The following DST variants were observed in gnomAD, a reference collection of about 807,000 sequenced individuals.
DST encodes the protein dystonin.
In DST, 253 loss-of-function variants were observed where a neutral mutation model predicts 875.2. That is an observed-to-expected ratio of 0.29 (90% CI 0.26 to 0.32). DST has a LOEUF of 0.32. Ranked by LOEUF, DST falls within the 10% of genes least tolerant of loss-of-function variation. The pLI is 1.00. For synonymous variants in DST, 3,124 were observed against 3,197.1 expected (o/e 0.98, Z 0.77); for missense variants, 8,287 against 9,111.6 (o/e 0.91, Z 3.68).
chr6:56,766,369 A>C (rs1346365700), intron 4 of DST, among the ~76,000 whole-genome samples: 3 of 152,200 alleles, frequency 2.0e-5, no homozygotes. Flanking sequence ...GCCAAGTACT[A>C]ACCAGGCTAG....
At chr6:56,614,238 G>A in intron 37 of DST, 118 bp downstream of exon 37, 1 of 872,800 alleles carries the variant, frequency 1.1e-6, no homozygotes, top group Non-Finnish European at 1.6e-6. Flanking sequence ...GCATTATATT[G>A]GGCTATAACA....
At chr6:56,526,118 G>T (rs2096792635) in intron 69 of DST, among the ~76,000 whole-genome samples, 1 of 152,194 alleles carries the variant, frequency 6.6e-6, no homozygotes, top group Non-Finnish European at 1.5e-5. Context: ...CGCAGTGTCT[G>T]ACTTGGTAAG....
In DST at chr6:56,508,556, T is replaced by C. The variant is rs2096396148; in HGVS notation, c.19212A>G (p.Val6404=). Residue 6404 remains valine (V), a synonymous_variant, in exon 75 of 104, where the codon GTA becomes GTG. Transcript: ENST00000680361. ...DLEDPGIDPS[V]VKQQQEAAET... is the part of the protein sequence containing the mutation. Reference sequence around the variant, plus strand: ...CTGCTGCTTCTTGCTGTTGTTTTACTACTGAAGGATCAATTCCAGGATCTT... The same window carrying C: ...CTGCTGCTTCTTGCTGTTGTTTTACCACTGAAGGATCAATTCCAGGATCTT... 1.1e-5 allele frequency: 17 copies of C among 1,613,710 alleles called. No individual in the cohort carries two copies. The Admixed American group carries it at 2.5e-4, about 24-fold the overall frequency.
intron 85 of DST, among the ~76,000 whole-genome samples, chr6:56,490,173 C>G (rs2095689186): frequency 6.6e-6 from 1 of 152,114 alleles, no homozygotes; most frequent in Non-Finnish European, 1.5e-5. Context: ...TATCAATATC[C>G]TCAAATCAAT....
At chr6:56,486,640 GA>G (rs1383858741) in intron 87 of DST, among the ~76,000 whole-genome samples, 1 of 152,106 alleles carries the variant, frequency 6.6e-6, no homozygotes, top group Non-Finnish European at 1.5e-5. Flanking sequence ...GATGGAGTTG[GA>G]AAGAAATGCT....
rs1371787646 is a variant in DST, at chr6:56,501,656, A to G, written c.19604T>C (p.Met6535Thr). Reference sequence around the variant, plus strand: ...CTCTGCTTGATGATTCAGTCTTTCCATTTCTATCTGCTGTTGATAGGCCTC... The same window carrying G: ...CTCTGCTTGATGATTCAGTCTTTCCGTTTCTATCTGCTGTTGATAGGCCTC... Reference protein sequence around the residue: ...KSEAYQQQIEMERLNHQAELL... With the variant: ...KSEAYQQQIETERLNHQAELL... Residue 6535 changes from methionine to threonine, a missense_variant, in exon 79 of 104, where the codon ATG (methionine) becomes ACG (threonine). Physicochemically the swap from Met to Thr is moderately conservative, Grantham distance 81. Transcript: ENST00000680361. 6 of 1,607,400 alleles carry G rather than the reference A, an allele frequency of 3.7e-6. No homozygotes were observed. Among genetic ancestry groups the G allele is most frequent in the Non-Finnish European group, 5.1e-6 (6 of 1,177,496 alleles).
At chr6:56,825,467 T>TC (rs2099779250) in intron 4 of DST, among the ~76,000 whole-genome samples, 1 of 115,926 alleles carries the variant, frequency 8.6e-6, no homozygotes, top group Admixed American at 1.1e-4. Flanking sequence ...CAAATCCCCC[T>TC]CTCTGGGAAA....
At chr6:56,645,779 A>G in intron 15 of DST, 87 bp downstream of exon 15, 8 of 1,491,830 alleles carry the variant, frequency 5.4e-6, no homozygotes, top group Non-Finnish European at 7.3e-6. Flanking sequence ...AGGCCAAGTA[A>G]ACAGAGGTTT....
At chr6:56,649,596 G>A (rs2098962808) in intron 12 of DST, among the ~76,000 whole-genome samples, 1 of 151,998 alleles carries the variant, frequency 6.6e-6, no homozygotes, top group South Asian at 2.1e-4. Context: ...GAGTGGGGGT[G>A]CTGAAAGAGT....
At chr6:56,484,605 T>G (rs2095502966) in intron 88 of DST, 1 of 152,166 alleles carries the variant, frequency 6.6e-6, no homozygotes, top group African/African-American at 2.4e-5. Context: ...ATACAACTAT[T>G]CTACATTAGT....
At chr6:56,829,660 A>G (rs748401840) in intron 4 of DST, among the ~76,000 whole-genome samples, 1 of 152,220 alleles carries the variant, frequency 6.6e-6, no homozygotes, top group Non-Finnish European at 1.5e-5. Context: ...AATGATGTCA[A>G]AAGTAACCAG....
chr6:56,837,849 T>C (rs1203697001), intron 4 of DST, among the ~76,000 whole-genome samples: 2 of 151,566 alleles, frequency 1.3e-5, no homozygotes, highest in East Asian at 3.8e-4. Context: ...AGCAGAATTA[T>C]TTGCTTCTTC....
In DST at chr6:56,605,889, A is replaced by G; in HGVS notation, c.8739T>C (p.His2913=). 1 of 1,610,236 alleles carries G rather than the reference A, an allele frequency of 6.2e-7. No individual in the cohort carries two copies. Among genetic ancestry groups the G allele is most frequent in the Non-Finnish European group, 8.5e-7 (1 of 1,177,052 alleles). The change falls in exon 40 of 104, where the codon CAT becomes CAC. Residue 2913 remains histidine (H), a synonymous_variant. Coordinates refer to ENST00000680361, the MANE Select transcript of DST (RefSeq NM_001374736.1). ...GCAATACATCCTTAAGTACCATCTC[A>G]TGGTTCAACAGATTTTCTTTGCTTT... ...AGKSKENLLN[H]EMVLKDVLPP...
intron 1 of DST, 49 bp downstream of exon 1, chr6:56,954,358 G>A (rs945112743): frequency 2.4e-5 from 31 of 1,310,442 alleles, no homozygotes; most frequent in Non-Finnish European, 3.1e-5. Context: ...CTCCAAATCG[G>A]CTTAATTGTT....
At chr6:56,702,273 C>T (rs988935467) in intron 7 of DST, among the ~76,000 whole-genome samples, 17 of 151,950 alleles carry the variant, frequency 1.1e-4, no homozygotes, top group African/African-American at 3.9e-4. Flanking sequence ...TAAAACAACG[C>T]TAGCCTACAA....
At chr6:56,507,677 G>T (rs2096364764) in intron 75 of DST, among the ~76,000 whole-genome samples, 1 of 152,146 alleles carries the variant, frequency 6.6e-6, no homozygotes, top group Admixed American at 6.5e-5. Flanking sequence ...AGTTTGTTTT[G>T]GGAAACGCCC....
intron 10 of DST, among the ~76,000 whole-genome samples, chr6:56,669,480 C>A (rs1428803275): frequency 2.0e-5 from 3 of 151,508 alleles, no homozygotes; most frequent in African/African-American, 7.3e-5. Context: ...CCTGTAGTCC[C>A]AGCTTCTCAG....
intron 3 of DST, among the ~76,000 whole-genome samples, chr6:56,875,127 G>T (rs1455926751): frequency 6.6e-6 from 1 of 152,154 alleles, no homozygotes; most frequent in Non-Finnish European, 1.5e-5. Context: ...GGGACTACAG[G>T]CGCCCGCCAC....
At chr6:56,660,629 A>G (rs568898320) in intron 10 of DST, among the ~76,000 whole-genome samples, 1 of 146,514 alleles carries the variant, frequency 6.8e-6, no homozygotes, top group African/African-American at 2.6e-5. Context: ...AAAAAAAAGA[A>G]AAAAAAAAAA....
Sources: gnomAD v4.1 joint callset for allele counts (sites outside exome capture counted in the v4.1 genomes callset) on GRCh38, gnomAD v4.1.1 for gene constraint, MANE v1.5 for transcripts, NCBI Gene and HGNC (gene_info 2026-07-23, HGNC 2026-07-21) for gene names.